The following PLEKHG1 variants were observed in gnomAD, a reference collection of about 807,000 sequenced individuals.
PLEKHG1 encodes pleckstrin homology domain-containing family G member 1.
PLEKHG1 carries 44 observed loss-of-function variants against 100.8 expected under a neutral mutation model. The ratio of observed to expected loss-of-function variants is 0.44; its 90% CI spans 0.34 to 0.56. PLEKHG1 has a LOEUF of 0.56. Among genes scored for constraint, PLEKHG1 ranks in the 20% least tolerant of loss-of-function variants. The probability of loss-of-function intolerance (pLI) is 0.01; values close to 1 mark genes in which losing one functional copy is unlikely to be tolerated. For synonymous variants in PLEKHG1, 640 were observed against 662.5 expected, an observed-to-expected ratio of 0.97 and a Z score of 0.52; for missense variants, 1,545 against 1,720.9, an observed-to-expected ratio of 0.90 and a Z score of 1.81.
intron 3 of PLEKHG1, among the ~76,000 whole-genome samples, chr6:150,678,544 A>G (rs1031431347): frequency 8.9e-4 from 136 of 152,296 alleles, no homozygotes; most frequent in African/African-American, 3.2e-3. Context: ...TGATGTAAAT[A>G]GTAGGAATTA....
intron 3 of PLEKHG1, among the ~76,000 whole-genome samples, chr6:150,784,986 C>A (rs1480949442): frequency 5.3e-5 from 8 of 150,628 alleles, no homozygotes; most frequent in Admixed American, 2.7e-4. Flanking sequence ...TCACTTGAGC[C>A]CAGGAAGACC....
At chr6:150,761,765 T>G (rs1308817754) in intron 2 of PLEKHG1, among the ~76,000 whole-genome samples, 1 of 152,238 alleles carries the variant, frequency 6.6e-6, no homozygotes, top group Non-Finnish European at 1.5e-5. Context: ...CCTAATTGTC[T>G]TCAAGCAAAG....
chr6:150,689,928 T>G (rs1259393080), intron 3 of PLEKHG1, among the ~76,000 whole-genome samples: 1 of 152,096 alleles, frequency 6.6e-6, no homozygotes, highest in Admixed American at 6.6e-5. Context: ...CTTTATTCTC[T>G]GGAATAATAT....
chr6:150,601,172 G>A (rs887403399), intron 1 of PLEKHG1, among the ~76,000 whole-genome samples: 3 of 152,118 alleles, frequency 2.0e-5, no homozygotes, highest in African/African-American at 7.2e-5. Context: ...CCTGTAATGC[G>A]GTACAATAAC....
At chr6:150,838,473 A>G (rs1029401278) in intron 15 of PLEKHG1, among the ~76,000 whole-genome samples, 1 of 152,214 alleles carries the variant, frequency 6.6e-6, no homozygotes, top group Non-Finnish European at 1.5e-5. Flanking sequence ...TCCCAAGACA[A>G]TTATTCTTCC....
intron 1 of PLEKHG1, among the ~76,000 whole-genome samples, chr6:150,726,563 C>T (rs138300522): frequency 3.3e-5 from 5 of 152,290 alleles, no homozygotes; most frequent in Middle Eastern, 6.8e-3. Flanking sequence ...CTAACATTAA[C>T]ATCTTGTGTA....
intron 3 of PLEKHG1, among the ~76,000 whole-genome samples, chr6:150,681,502 C>CAAAAA (rs762515691): frequency 1.7e-5 from 2 of 120,946 alleles, no homozygotes; most frequent in African/African-American, 3.0e-5. Flanking sequence ...GACTCTGTCT[C>CAAAAA]AAAAAAAAAA....
chr6:150,801,714 A>G (rs1786722763), intron 6 of PLEKHG1, among the ~76,000 whole-genome samples: 1 of 152,142 alleles, frequency 6.6e-6, no homozygotes, highest in African/African-American at 2.4e-5. Flanking sequence ...TGCTGGGATT[A>G]CAGATGTGAG....
At chr6:150,652,546 C>A (rs945675039) in intron 3 of PLEKHG1, among the ~76,000 whole-genome samples, 1 of 151,882 alleles carries the variant, frequency 6.6e-6, no homozygotes, top group Non-Finnish European at 1.5e-5. Context: ...CATAGTGAAA[C>A]CCCGTCGCTA....
At chr6:150,620,751 G>A (rs868101162) in intron 1 of PLEKHG1, among the ~76,000 whole-genome samples, 47 of 152,242 alleles carry the variant, frequency 3.1e-4, no homozygotes, top group Middle Eastern at 6.8e-3. Flanking sequence ...CATGCATTTG[G>A]GATATAAGGG....
At chr6:150,669,407 G>A (rs1779509937) in intron 3 of PLEKHG1, among the ~76,000 whole-genome samples, 1 of 152,200 alleles carries the variant, frequency 6.6e-6, no homozygotes, top group African/African-American at 2.4e-5. Flanking sequence ...AATTGCATCA[G>A]CTTGAACCCA....
intron 3 of PLEKHG1, among the ~76,000 whole-genome samples, chr6:150,711,262 C>T (rs149014701): frequency 3.2e-4 from 49 of 152,274 alleles, no homozygotes; most frequent in Middle Eastern, 6.8e-3. Flanking sequence ...ATGCGCCCCA[C>T]AGCCACAAGG....
Position 150,840,177 on chromosome 6 carries a change from G to A in PLEKHG1, c.3439G>A (p.Val1147Met), listed in dbSNP as rs41289351. Residue 1147 changes from valine (V) to methionine (M), a missense_variant, in exon 16 of 16, where the codon GTG becomes ATG. Val to Met is a conservative substitution (Grantham distance 21). Transcript: ENST00000358517. ...GCCAGGCTCTGTGCAGAGATGCAGC[G>A]TGGTAGTAAGTCAGCCCAACAAAGA... 5.6e-3 allele frequency: 8,981 copies of A among 1,614,188 alleles called. 48 individuals are homozygous for A. The highest frequency in any genetic ancestry group is 6.0e-3 in the Non-Finnish European group (7,073 of 1,180,030).
intron 5 of PLEKHG1, among the ~76,000 whole-genome samples, chr6:150,798,152 T>A (rs1355604025): frequency 2.6e-5 from 4 of 152,106 alleles, no homozygotes; most frequent in African/African-American, 9.7e-5. Context: ...ATCCCATGGT[T>A]CTAAACCAAA....
intron 2 of PLEKHG1, among the ~76,000 whole-genome samples, chr6:150,766,692 C>T (rs961621486): frequency 2.6e-5 from 4 of 152,210 alleles, no homozygotes; most frequent in African/African-American, 4.8e-5. Context: ...TGGCGATGGG[C>T]CATCAGTTGT....
chr6:150,742,348 C>T lies in PLEKHG1; in HGVS notation c.411+8256C>T, dbSNP rs143427817. 9.7e-3 allele frequency among the ~76,000 whole-genome samples: 1,481 copies of T among 152,046 alleles called. 29 individuals are homozygous for T. The highest frequency in any genetic ancestry group is 0.057 in the East Asian group (296 of 5,166). ...CGGGGAGGCCGAGGTGGGCGGATCA[C>T]GATGTCAGGAGTTCAAGACCAGCCT... On this transcript the variant is annotated intron_variant, in intron 2 of 15. Coordinates refer to ENST00000358517, the Ensembl canonical transcript of PLEKHG1.
At position 150,704,484 on chromosome 6, in the gene PLEKHG1, G is replaced by A. The variant is rs146251640; in HGVS notation, c.-98-29100G>A. 4.3e-4 allele frequency among the ~76,000 whole-genome samples: 65 copies of A among 152,342 alleles called. No individual in the cohort carries two copies. The East Asian group carries it at 0.01, about 24-fold the overall frequency. On this transcript the variant is annotated intron_variant, in intron 3 of 3. Coordinates refer to the PLEKHG1 transcript ENST00000367326. Reference sequence around the variant, plus strand: ...CTGTCATCCTTGACCCCATCAAAGCGTTTTTCATTGGGATGATGGACTAGG... The same window carrying A: ...CTGTCATCCTTGACCCCATCAAAGCATTTTTCATTGGGATGATGGACTAGG...
chr6:150,816,487 A>C (rs1425711311), intron 10 of PLEKHG1, among the ~76,000 whole-genome samples: 1 of 151,188 alleles, frequency 6.6e-6, no homozygotes, highest in Non-Finnish European at 1.5e-5. Flanking sequence ...ACCACCACGC[A>C]CAGCTAATTT....
chr6:150,712,789 C>T (rs1000450956), intron 3 of PLEKHG1, among the ~76,000 whole-genome samples: 2 of 152,214 alleles, frequency 1.3e-5, no homozygotes, highest in Non-Finnish European at 2.9e-5. Flanking sequence ...ATGAGTCCGA[C>T]TGGGCTTATT....
Sources: gnomAD v4.1 joint callset for allele counts (sites outside exome capture counted in the v4.1 genomes callset) on GRCh38, gnomAD v4.1.1 for gene constraint, MANE v1.5 for transcripts, NCBI Gene and HGNC (gene_info 2026-07-23, HGNC 2026-07-21) for gene names.